Variants in NAPG observed in about 807,000 individuals in gnomAD.
NAPG encodes gamma-soluble NSF attachment protein.
A neutral mutation model predicts 48.4 loss-of-function variants in NAPG; 25 were observed. That is an observed-to-expected ratio of 0.52 (90% CI 0.38 to 0.72). NAPG has a LOEUF of 0.72. NAPG is among the 30% of genes least tolerant of loss of function. NAPG has a pLI of 0.00. For missense variants in NAPG, 359 were observed against 372.5 expected, an observed-to-expected ratio of 0.96 and a Z score of 0.30; for synonymous variants, 139 against 127.2, an observed-to-expected ratio of 1.09 and a Z score of -0.62.
At position 10,530,939 on chromosome 18, in the gene NAPG, T is replaced by A. The variant is rs186786492; in HGVS notation, c.124+102T>A. 2,658 of 910,716 alleles carry A rather than the reference T, an allele frequency of 2.9e-3. 7 individuals carry two copies. Among genetic ancestry groups the A allele is most frequent in the Admixed American group, 6.2e-3 (156 of 25,308 alleles). The allele number at this position is 910,716 out of a possible 1,614,324, so 56.4% of individuals were successfully genotyped here. A position where few individuals can be genotyped will look rare whatever the true frequency, so the allele number is the denominator to read the frequency against. ...TACTCATATGCTTTCTATAAGGCTT[T>A]AATAGTTAAAAAACAAACAAAACAA... is the stretch of plus-strand genomic sequence containing the variant. On this transcript the variant is annotated intron_variant, in intron 2 of 11. Coordinates refer to ENST00000322897, the MANE Select transcript of NAPG (RefSeq NM_003826.3).
chr18:10,526,676 A>G, intron 1 of NAPG: 1 of 154,566 alleles, frequency 6.5e-6, no homozygotes, highest in African/African-American at 2.4e-5. Context: ...TCCTCGGTGA[A>G]CCTTTGTCAT....
At chr18:10,537,251 C>T (rs1259653421) in intron 5 of NAPG, among the ~76,000 whole-genome samples, 2 of 152,026 alleles carry the variant, frequency 1.3e-5, no homozygotes, top group Non-Finnish European at 2.9e-5. Flanking sequence ...GAGCCACTAC[C>T]CTACTACTGA....
chr18:10,526,351 C>T (rs1271415947), intron 1 of NAPG, 193 bp downstream of exon 1: 5 of 578,156 alleles, frequency 8.6e-6, no homozygotes, highest in East Asian at 6.1e-5. Flanking sequence ...TCTGCGGCGC[C>T]TCGGGAAGCG....
rs962734405 is a variant in NAPG, at chr18:10,534,380, T to C, written c.228-86T>C. 11 of 1,102,422 alleles carry C rather than the reference T, an allele frequency of 1.0e-5. No individual in the cohort carries two copies. The highest frequency in any genetic ancestry group is 1.5e-5 in the African/African-American group (1 of 64,842). 68.3% of individuals were successfully genotyped at this position (1,102,422 alleles called of 1,614,324 possible). On this transcript the variant is annotated intron_variant, in intron 4 of 11. Transcript: ENST00000322897. The surrounding 1 kb of genome is among the most constrained non-coding windows in gnomAD (Gnocchi z 5.0). ...GAGCCCATTGTAATTGAAGTCACTT[T>C]CCTTACCAGTAGTTCCTCACCAGAA...
chr18:10,540,582 T>C (rs1381729388), intron 8 of NAPG, 183 bp downstream of exon 8: 3 of 462,860 alleles, frequency 6.5e-6, no homozygotes, highest in African/African-American at 6.0e-5. Flanking sequence ...TTAAAAGATC[T>C]GCTGTTTTTT....
chr18:10,529,717 C>T (rs2031890141), intron 1 of NAPG, among the ~76,000 whole-genome samples: 1 of 152,190 alleles, frequency 6.6e-6, no homozygotes, highest in Non-Finnish European at 1.5e-5. Context: ...AATACCACTG[C>T]ACTCCAGCCT....
intron 4 of NAPG, 97 bp downstream of exon 4, chr18:10,533,650 G>A (rs2031975419): frequency 2.9e-6 from 3 of 1,034,590 alleles, no homozygotes; most frequent in Non-Finnish European, 4.2e-6. Context: ...TATAAATTTT[G>A]TATTGATTTA....
intron 8 of NAPG, among the ~76,000 whole-genome samples, chr18:10,545,535 T>C (rs2032245346): frequency 6.6e-6 from 1 of 152,174 alleles, no homozygotes; most frequent in Non-Finnish European, 1.5e-5. Context: ...GGCTAAAGAC[T>C]GTACATTTCA....
In NAPG at chr18:10,546,292, C is replaced by T. The variant is rs1446528714; in HGVS notation, c.507-34C>T. 1.5e-5 allele frequency: 22 copies of T among 1,421,388 alleles called. No individual in the cohort carries two copies. Among genetic ancestry groups the T allele is most frequent in the Non-Finnish European group, 2.0e-5 (21 of 1,034,182 alleles). The allele number at this position is 1,421,388 out of a possible 1,614,324, so 88.0% of individuals were successfully genotyped here. A position where few individuals can be genotyped will look rare whatever the true frequency, so the allele number is the denominator to read the frequency against. On this transcript the variant is annotated intron_variant, in intron 8 of 11. Coordinates refer to ENST00000322897, the MANE Select transcript of NAPG (RefSeq NM_003826.3). The surrounding 1 kb of genome is among the most constrained non-coding windows in gnomAD (Gnocchi z 4.0). ...GGACCTCTGCTATAGATCATTTAGA[C>T]CTGCTTTTTTTACATTTCTGTGTTT...
chr18:10,540,068 T>C lies in NAPG; in HGVS notation c.435+14T>C. The stretch of plus-strand genomic sequence containing the variant: ...AATGTGTTTGAAGTAAGTTTGAATC[T>C]TATTTTTTTCTTTAATTACTTAGAA... On this transcript the variant is annotated intron_variant, in intron 7 of 11. Transcript: ENST00000322897. 1 of 1,540,418 alleles carries C rather than the reference T, an allele frequency of 6.5e-7. No individual in the cohort carries two copies. The highest frequency in any genetic ancestry group is 8.8e-7 in the Non-Finnish European group (1 of 1,140,784).
chr18:10,544,479 C>A lies in NAPG; in HGVS notation c.507-1847C>A, dbSNP rs1012933598. Among the ~76,000 whole-genome samples, 1 of 152,176 alleles carries A rather than the reference C, an allele frequency of 6.6e-6. No homozygotes were observed. Among genetic ancestry groups the A allele is most frequent in the Non-Finnish European group, 1.5e-5 (1 of 68,034 alleles). On this transcript the variant is annotated intron_variant, in intron 8 of 11. Transcript: ENST00000322897. This position sits in a 1 kb window ranked among gnomAD's most constrained non-coding sequence, Gnocchi z 5.1. The stretch of plus-strand genomic sequence containing the variant: ...GATTCCTGTTTTCTTGTTGCCTGTT[C>A]GCCAGGAACTGCTCTCAGCTTTGAG...
rs753588025 is a variant in NAPG at position 10,549,043 on chromosome 18, G to A, written c.742G>A (p.Asp248Asn). 7.4e-6 allele frequency: 12 copies of A among 1,613,834 alleles called. No individual in the cohort carries two copies. The East Asian group carries it at 1.6e-4, about 21-fold the overall frequency. Residue 248 changes from aspartate to asparagine, a missense_variant, in exon 11 of 12, where the codon GAT (aspartate) becomes AAT (asparagine). Physicochemically the swap from Asp to Asn is conservative, Grantham distance 23. Transcript: ENST00000322897. The part of the protein sequence containing the change: ...LLEGYDQQDQ[D>N]QVSDVCNSPL... ...TGAAGGTTATGACCAGCAAGACCAA[G>A]ATCAGGTGTCAGATGTCTGCAACTC...
chr18:10,529,318 A>C (rs2031882354), intron 1 of NAPG, among the ~76,000 whole-genome samples: 1 of 152,248 alleles, frequency 6.6e-6, no homozygotes, highest in Admixed American at 6.5e-5. Flanking sequence ...ACACACCACA[A>C]TTTAAGGATA....
rs2031801748 is a variant in NAPG at position 10,526,120 on chromosome 18, A to G, written c.18A>G (p.Ile6Met). 1.2e-6 allele frequency: 2 copies of G among 1,613,762 alleles called. No individual in the cohort carries two copies. Among genetic ancestry groups the G allele is most frequent in the South Asian group, 2.2e-5 (2 of 91,078 alleles). Residue 6 changes from isoleucine (I) to methionine (M), a missense_variant, in exon 1 of 12, where the codon ATA (isoleucine) becomes ATG (methionine). Physicochemically the swap from Ile to Met is conservative, Grantham distance 10 (BLOSUM62 1). Transcript: ENST00000322897. ...CTGTGGAGATGGCGGCTCAGAAGAT[A>G]AACGAGGGGCTGGAACACCTCGCCA... MAAQK[I>M]NEGLEHLAKA...
intron 1 of NAPG, 99 bp downstream of exon 1, chr18:10,526,257 G>T: frequency 1.3e-6 from 1 of 794,238 alleles, no homozygotes; most frequent in Non-Finnish European, 2.0e-6. Context: ...AGGGCTCAGG[G>T]CTGAGGGGCC....
intron 1 of NAPG, chr18:10,526,380 G>A (rs1598407890): frequency 1.8e-6 from 1 of 552,836 alleles, no homozygotes; most frequent in East Asian, 3.1e-5. Context: ...CCACCCCGCC[G>A]GAAGTCCGCT....
In NAPG at chr18:10,532,770, G is replaced by A; in HGVS notation, c.184G>A (p.Ala62Thr). ...AGCAAAAGATGCCTGCCTGAGGGAA[G>A]CTGTTGCCCATGAAAATAATAGGGC... ...EQAKDACLRE[A>T]VAHENNRALF... The change falls in exon 3 of 12, where the codon GCT (alanine) becomes ACT (threonine). Residue 62 changes from alanine (A) to threonine (T), a missense_variant. Coordinates refer to ENST00000322897, the MANE Select transcript of NAPG (RefSeq NM_003826.3). The A allele has an allele frequency of 6.3e-7, 1 of 1,589,466 alleles. No homozygotes were observed. The highest frequency in any genetic ancestry group is 8.6e-7 in the Non-Finnish European group (1 of 1,166,394).
chr18:10,539,767 G>A lies in NAPG; in HGVS notation c.264G>A (p.Met88Ile), dbSNP rs1196689554. Residue 88 changes from methionine (M) to isoleucine (I), a missense_variant, in exon 6 of 12, where the codon ATG (methionine) becomes ATA (isoleucine). Coordinates refer to ENST00000322897, the MANE Select transcript of NAPG (RefSeq NM_003826.3). This position sits in a 1 kb window ranked among gnomAD's most constrained non-coding sequence, Gnocchi z 4.7. ...ACTGTATCCTTTGCCCAAAGGAGAT[G>A]CAGAAACTACCAGAGGCCGTTCAGC... ...YEQAGMMLKE[M>I]QKLPEAVQLI... is the part of the protein sequence containing the mutation. The A allele has an allele frequency of 6.2e-7, 1 of 1,613,892 alleles. No homozygotes were observed.
intron 5 of NAPG, among the ~76,000 whole-genome samples, chr18:10,537,880 A>C (rs529053717): frequency 1.1e-4 from 16 of 152,184 alleles, no homozygotes; most frequent in Non-Finnish European, 1.9e-4. Context: ...GCTAAATAAT[A>C]AAGTTATGTT....
Sources: gnomAD v4.1 joint callset for allele counts (sites outside exome capture counted in the v4.1 genomes callset) on GRCh38, gnomAD v4.1.1 for gene constraint, Gnocchi (gnomAD v3.1) non-coding constraint, MANE v1.5 for transcripts, NCBI Gene and HGNC (gene_info 2026-07-23, HGNC 2026-07-21) for gene names.